Variants in PREX1 observed in about 807,000 individuals in gnomAD.
PREX1 encodes the protein phosphatidylinositol 3,4,5-trisphosphate-dependent Rac exchanger 1 protein.
PREX1 carries 41 observed loss-of-function variants against 198.3 expected under a neutral mutation model. The ratio of observed to expected loss-of-function variants is 0.21; its 90% CI spans 0.16 to 0.27. The LOEUF is 0.27. PREX1 is among the 10% of genes least tolerant of loss of function. The probability of loss-of-function intolerance (pLI) is 1.00; values close to 1 mark genes in which losing one functional copy is unlikely to be tolerated. For synonymous variants in PREX1, 843 were observed against 887.2 expected (o/e 0.95, Z 0.89); for missense variants, 1,620 against 2,200.7 (o/e 0.74, Z 5.28).
chr20:48,730,148 T>A (rs989244163), intron 4 of PREX1, among the ~76,000 whole-genome samples: 4 of 151,924 alleles, frequency 2.6e-5, no homozygotes, highest in Non-Finnish European at 5.9e-5. Context: ...ATTTTGTTGT[T>A]TTAAGCAACC....
intron 1 of PREX1, among the ~76,000 whole-genome samples, chr20:48,813,056 G>A (rs1014290724): frequency 6.6e-6 from 1 of 152,206 alleles, no homozygotes; most frequent in South Asian, 2.1e-4. Context: ...TAGGGAGCCG[G>A]CTCCACACCC....
intron 8 of PREX1, among the ~76,000 whole-genome samples, chr20:48,692,072 TAG>T (rs1039395802): frequency 6.6e-6 from 1 of 152,170 alleles, no homozygotes; most frequent in African/African-American, 2.4e-5. Context: ...GTATTTTTTG[TAG>T]AGACAGGTTT....
intron 19 of PREX1, among the ~76,000 whole-genome samples, chr20:48,654,521 C>T (rs2089527571): frequency 1.3e-5 from 2 of 152,194 alleles, no homozygotes; most frequent in Non-Finnish European, 1.5e-5. Context: ...TCCCCAGTTA[C>T]GACAAACAAA....
At chr20:48,677,814 C>T (rs1330305954) in intron 13 of PREX1, among the ~76,000 whole-genome samples, 2 of 151,370 alleles carry the variant, frequency 1.3e-5, no homozygotes, top group African/African-American at 4.9e-5. Context: ...GGTGAAACCC[C>T]ATCTCTACTA....
chr20:48,754,021 T>G (rs2090145791), intron 1 of PREX1, among the ~76,000 whole-genome samples: 1 of 152,140 alleles, frequency 6.6e-6, no homozygotes, highest in African/African-American at 2.4e-5. Context: ...ACGCAGCGCC[T>G]GGGACAGAGG....
At chr20:48,710,191 G>C (rs1261104640) in intron 5 of PREX1, among the ~76,000 whole-genome samples, 1 of 152,218 alleles carries the variant, frequency 6.6e-6, no homozygotes, top group East Asian at 1.9e-4. Context: ...AGCCCAGAAG[G>C]CTTCAGGAGG....
intron 6 of PREX1, among the ~76,000 whole-genome samples, chr20:48,705,633 C>G (rs1171036215): frequency 6.6e-6 from 1 of 152,238 alleles, no homozygotes; most frequent in Non-Finnish European, 1.5e-5. Flanking sequence ...TAACTACTAA[C>G]AGATAGCATG....
chr20:48,627,443 G>A (rs1356020783), intron 39 of PREX1, 105 bp downstream of exon 39: 9 of 1,242,340 alleles, frequency 7.2e-6, no homozygotes, highest in African/African-American at 5.9e-5. Context: ...GAGAGGGGAA[G>A]CCCCATCTGA....
chr20:48,733,435 C>G (rs1156717647), intron 4 of PREX1, among the ~76,000 whole-genome samples: 1 of 152,160 alleles, frequency 6.6e-6, no homozygotes, highest in Non-Finnish European at 1.5e-5. Flanking sequence ...AGCATCAGAC[C>G]TAGGATTTTT....
At position 48,632,503 on chromosome 20, in the gene PREX1, G is replaced by A. The variant is rs1214487208; in HGVS notation, c.4404C>T (p.Phe1468=). The change falls in exon 34 of 40, where the codon TTC becomes TTT. Residue 1468 remains phenylalanine (F), a synonymous_variant. Coordinates refer to ENST00000371941, the MANE Select transcript of PREX1 (RefSeq NM_020820.4). ...GASLRLHTAL[F]TKVLENVEGL... ...CCCAGGCCTGAAGCTCACCTTTCGT[G>A]AACAGCGCTGTGTGCAGCCTCAGGC... 2 of 1,614,002 alleles carry A rather than the reference G, an allele frequency of 1.2e-6. No individual in the cohort carries two copies. The highest frequency in any genetic ancestry group is 8.5e-7 in the Non-Finnish European group (1 of 1,179,994).
intron 15 of PREX1, among the ~76,000 whole-genome samples, chr20:48,661,444 A>AATATATATATATATATATATAT (rs1159107194): frequency 2.0e-5 from 1 of 49,594 alleles, no homozygotes; most frequent in African/African-American, 1.9e-4. Context: ...AAAAAAAAAA[A>AATATATATATATATATATATAT]ATATATATAT....
the PREX1 span, among the ~76,000 whole-genome samples, chr20:48,873,084 C>A: frequency 2.0e-5 from 3 of 152,156 alleles, no homozygotes; most frequent in South Asian, 6.2e-4. Context: ...GTCTCATGAG[C>A]TCAGCTGGGC....
intron 1 of PREX1, among the ~76,000 whole-genome samples, chr20:48,807,721 C>T (rs2123032875): frequency 6.6e-6 from 1 of 152,306 alleles, no homozygotes; most frequent in South Asian, 2.1e-4. Flanking sequence ...GGACTGCTTG[C>T]TTGCCTGCAG....
chr20:48,636,246 A>G (rs1311134101), intron 32 of PREX1, among the ~76,000 whole-genome samples: 1 of 152,070 alleles, frequency 6.6e-6, no homozygotes, highest in Non-Finnish European at 1.5e-5. Flanking sequence ...CCTCCCTCCC[A>G]CTGGGACAGA....
the PREX1 span, among the ~76,000 whole-genome samples, chr20:48,882,157 A>G: frequency 1.3e-5 from 2 of 152,094 alleles, no homozygotes; most frequent in African/African-American, 2.4e-5. Flanking sequence ...CCATCAATTG[A>G]TGGACATTTG....
the PREX1 span, among the ~76,000 whole-genome samples, chr20:48,855,054 C>T: frequency 1.3e-5 from 2 of 152,152 alleles, no homozygotes; most frequent in African/African-American, 2.4e-5. Context: ...TAAAGTCCTC[C>T]ACACAAGACC....
chr20:48,635,988 A>G (rs2089359886), intron 32 of PREX1, among the ~76,000 whole-genome samples: 1 of 152,190 alleles, frequency 6.6e-6, no homozygotes, highest in Non-Finnish European at 1.5e-5. Flanking sequence ...CTCCAAGGCC[A>G]GGCCTCCCCA....
At chr20:48,884,108 C>T in the PREX1 span, among the ~76,000 whole-genome samples, 3 of 148,496 alleles carry the variant, frequency 2.0e-5, no homozygotes, top group Admixed American at 2.0e-4. Context: ...CACTGCACTC[C>T]AGCCTGGACG....
At chr20:48,641,844 AAGGAAGGAAGGAAGGAAGGAAGGAAG>A (rs2089414191) in intron 29 of PREX1, among the ~76,000 whole-genome samples, 1 of 7,816 alleles carries the variant, frequency 1.3e-4, no homozygotes, top group Admixed American at 1.5e-3. Flanking sequence ...GAGAGAGAGG[AAGGAAGGAAGGAAGGAAGGAAGGAAG>A]GAAGGAAGGA....
Sources: allele counts gnomAD v4.1 joint callset (sites outside exome capture counted in the v4.1 genomes callset), GRCh38; gene constraint gnomAD v4.1.1; transcripts MANE v1.5; gene names NCBI Gene and HGNC (gene_info 2026-07-23, HGNC 2026-07-21).